The following TMTC1 variants were observed in gnomAD, a reference collection of about 807,000 sequenced individuals.
TMTC1 encodes the protein transmembrane O-mannosyltransferase targeting cadherins 1, also known as protein O-mannosyl-transferase TMTC1.
A neutral mutation model predicts 104.8 loss-of-function variants in TMTC1; 73 were observed. That is an observed-to-expected ratio of 0.70 (90% CI 0.58 to 0.85). The LOEUF is 0.85. Ranked by LOEUF, TMTC1 falls within the 40% of genes least tolerant of loss-of-function variation. TMTC1 has a pLI of 0.00. For missense variants in TMTC1, 1,035 were observed against 1,096.1 expected (o/e 0.94, Z 0.79); for synonymous variants, 434 against 428.7 (o/e 1.01, Z -0.15).
intron 11 of TMTC1, among the ~76,000 whole-genome samples, chr12:29,523,224 TG>T (rs1382539628): frequency 1.3e-5 from 2 of 152,230 alleles, no homozygotes; most frequent in Non-Finnish European, 2.9e-5. Flanking sequence ...AAAGTTTATT[TG>T]AGCAAGAAAG....
chr12:29,603,093 C>A (rs1463318018), intron 7 of TMTC1, among the ~76,000 whole-genome samples: 1 of 152,096 alleles, frequency 6.6e-6, no homozygotes, highest in African/African-American at 2.4e-5. Flanking sequence ...GTATTTCTGT[C>A]CTTATTGAAT....
At chr12:29,588,025 T>C (rs150425662) in intron 7 of TMTC1, among the ~76,000 whole-genome samples, 373 of 152,282 alleles carry the variant, frequency 2.4e-3, no homozygotes, top group African/African-American at 8.8e-3. Context: ...GGGAATGAAG[T>C]TGGAGCTCTC....
intron 5 of TMTC1, among the ~76,000 whole-genome samples, chr12:29,724,889 G>A (rs919815574): frequency 6.6e-6 from 1 of 151,508 alleles, no homozygotes; most frequent in Non-Finnish European, 1.5e-5. Flanking sequence ...AACTTTTAAA[G>A]TAAAATAAAT....
intron 5 of TMTC1, among the ~76,000 whole-genome samples, chr12:29,678,703 A>C (rs1407170550): frequency 6.6e-6 from 1 of 151,884 alleles, no homozygotes; most frequent in Non-Finnish European, 1.5e-5. Flanking sequence ...ATCAAAAAGC[A>C]AGGAGAAATC....
At chr12:29,648,813 C>A (rs1939387809) in intron 5 of TMTC1, among the ~76,000 whole-genome samples, 1 of 152,228 alleles carries the variant, frequency 6.6e-6, no homozygotes, top group East Asian at 1.9e-4. Context: ...AAAATATTAT[C>A]ATTTCAGTAG....
chr12:29,745,795 G>C (rs1280297144), intron 5 of TMTC1, among the ~76,000 whole-genome samples: 1 of 152,076 alleles, frequency 6.6e-6, no homozygotes, highest in Non-Finnish European at 1.5e-5. Context: ...TGGTTAGTTT[G>C]GTCAGTGTCA....
chr12:29,740,552 G>T (rs1233802015), intron 5 of TMTC1, among the ~76,000 whole-genome samples: 1 of 152,006 alleles, frequency 6.6e-6, no homozygotes, highest in Non-Finnish European at 1.5e-5. Context: ...GCCTATTGTG[G>T]GACCTTGTGA....
intron 5 of TMTC1, among the ~76,000 whole-genome samples, chr12:29,668,463 T>TTTTTTTTTTTTTTTTG (rs1940374039): frequency 7.2e-6 from 1 of 139,808 alleles, no homozygotes; most frequent in East Asian, 2.1e-4. Flanking sequence ...TCTTTTTTTT[T>TTTTTTTTTTTTTTTTG]TTTTTTTTTT....
At chr12:29,587,186 T>C (rs567109380) in intron 7 of TMTC1, among the ~76,000 whole-genome samples, 3 of 152,282 alleles carry the variant, frequency 2.0e-5, no homozygotes, top group Admixed American at 1.3e-4. Flanking sequence ...GTCGAGGAAT[T>C]TATCCATTTC....
intron 6 of TMTC1, among the ~76,000 whole-genome samples, chr12:29,605,600 T>C (rs766788902): frequency 1.9e-4 from 28 of 145,688 alleles, no homozygotes; most frequent in Non-Finnish European, 3.5e-4. Context: ...AAAGAACAAA[T>C]TCATTTTATT....
intron 6 of TMTC1, among the ~76,000 whole-genome samples, chr12:29,619,620 T>TC (rs1470797094): frequency 6.6e-6 from 1 of 152,212 alleles, no homozygotes; most frequent in Non-Finnish European, 1.5e-5. Flanking sequence ...ATGATTTTTT[T>TC]CTTAAATCCT....
intron 7 of TMTC1, among the ~76,000 whole-genome samples, chr12:29,600,579 T>TA (rs2136389228): frequency 6.6e-6 from 1 of 152,322 alleles, no homozygotes; most frequent in East Asian, 1.9e-4. Flanking sequence ...AAAGATGGAT[T>TA]CACTAGAGGT....
intron 5 of TMTC1, among the ~76,000 whole-genome samples, chr12:29,655,389 G>T (rs1411263644): frequency 1.3e-5 from 2 of 152,064 alleles, no homozygotes; most frequent in African/African-American, 2.4e-5. Flanking sequence ...GTACTGCAAG[G>T]CAATAAAACT....
Position 29,506,979 on chromosome 12 carries a change from T to G in TMTC1, c.2516A>C (p.Tyr839Ser). The G allele has an allele frequency of 6.2e-7, 1 of 1,613,684 alleles. No homozygotes were observed. Among genetic ancestry groups the G allele is most frequent in the Non-Finnish European group, 8.5e-7 (1 of 1,179,602 alleles). Residue 839 changes from tyrosine to serine, a missense_variant, in exon 18 of 18, where the codon TAT becomes TCT. Tyr to Ser is a moderately radical substitution (Grantham distance 144). Transcript: ENST00000539277. ...MGGIQHIKGKYVSARAYYERA... is the reference protein window; with the variant it reads ...MGGIQHIKGKSVSARAYYERA... ...CTCATAATAAGCTCTTGCAGACACA[T>G]ATTTTCCCTGGGGGTGGGAAAGAGG...
intron 5 of TMTC1, among the ~76,000 whole-genome samples, chr12:29,699,449 T>C (rs929678874): frequency 6.6e-6 from 1 of 152,188 alleles, no homozygotes; most frequent in Non-Finnish European, 1.5e-5. Context: ...AAAAGTGCCA[T>C]GAAGGCACAA....
chr12:29,716,442 T>C (rs1392026588), intron 5 of TMTC1, among the ~76,000 whole-genome samples: 1 of 152,180 alleles, frequency 6.6e-6, no homozygotes, highest in African/African-American at 2.4e-5. Context: ...TTTTAACTAC[T>C]ACACTATGCT....
At chr12:29,720,110 C>T (rs953213267) in intron 5 of TMTC1, among the ~76,000 whole-genome samples, 1 of 152,144 alleles carries the variant, frequency 6.6e-6, no homozygotes, top group African/African-American at 2.4e-5. Context: ...AGAACAGAGG[C>T]CAAGGTTTTG....
At chr12:29,716,878 G>T (rs1344823903) in intron 5 of TMTC1, among the ~76,000 whole-genome samples, 1 of 152,044 alleles carries the variant, frequency 6.6e-6, no homozygotes, top group Non-Finnish European at 1.5e-5. Context: ...AGCCGGGTGT[G>T]GTGGCGGGCA....
At chr12:29,737,027 C>A (rs1456043796) in intron 5 of TMTC1, among the ~76,000 whole-genome samples, 1 of 152,232 alleles carries the variant, frequency 6.6e-6, no homozygotes, top group African/African-American at 2.4e-5. Context: ...ACTGCTGCGT[C>A]AGAGAGCTTT....
Sources: gnomAD v4.1 joint callset for allele counts (sites outside exome capture counted in the v4.1 genomes callset) on GRCh38, gnomAD v4.1.1 for gene constraint, MANE v1.5 for transcripts, NCBI Gene and HGNC (gene_info 2026-07-23, HGNC 2026-07-21) for gene names.